Variants in CACNA2D2 observed in about 807,000 individuals in gnomAD.
The protein encoded by CACNA2D2 is voltage-dependent calcium channel subunit alpha-2/delta-2.
Under a neutral mutation model 166.4 loss-of-function variants are expected in CACNA2D2, and 48 were observed. The observed-to-expected ratio is 0.29, with a 90% confidence interval of 0.23 to 0.37. The LOEUF is 0.37. Ranked by LOEUF, CACNA2D2 falls within the 10% of genes least tolerant of loss-of-function variation. The probability of loss-of-function intolerance (pLI) is 1.00; values close to 1 mark genes in which losing one functional copy is unlikely to be tolerated. For synonymous variants in CACNA2D2, 561 were observed against 573.7 expected, an observed-to-expected ratio of 0.98 and a Z score of 0.32; for missense variants, 1,122 against 1,433.0, an observed-to-expected ratio of 0.78 and a Z score of 3.50.
intron 3 of CACNA2D2, among the ~76,000 whole-genome samples, chr3:50,398,125 G>A (rs1706253530): frequency 6.6e-6 from 1 of 152,198 alleles, no homozygotes; most frequent in African/African-American, 2.4e-5. Flanking sequence ...AACCTATTGG[G>A]ATACCACGCA....
intron 3 of CACNA2D2, among the ~76,000 whole-genome samples, chr3:50,420,095 A>G (rs1575659643): frequency 6.6e-6 from 1 of 152,354 alleles, no homozygotes; most frequent in East Asian, 1.9e-4. Flanking sequence ...TAAGAGGAAA[A>G]TCACAGTGAA....
At chr3:50,396,928 C>T (rs1346025834) in intron 3 of CACNA2D2, among the ~76,000 whole-genome samples, 3 of 152,198 alleles carry the variant, frequency 2.0e-5, no homozygotes, top group South Asian at 2.1e-4. Flanking sequence ...GGGCTGCAGA[C>T]GCCACACTGA....
intron 2 of CACNA2D2, among the ~76,000 whole-genome samples, chr3:50,470,847 C>A (rs903160725): frequency 3.3e-5 from 5 of 152,194 alleles, no homozygotes; most frequent in African/African-American, 1.2e-4. Flanking sequence ...CTCTCTCTAC[C>A]CAATTATGCT....
Position 50,368,178 on chromosome 3 carries a change from A to C in CACNA2D2, c.2103T>G (p.Phe701Leu). The C allele has an allele frequency of 1.2e-6, 2 of 1,613,900 alleles. No homozygotes were observed. Among genetic ancestry groups the C allele is most frequent in the Non-Finnish European group, 1.7e-6 (2 of 1,179,866 alleles). The change falls in exon 24 of 38, where the codon TTT (phenylalanine) becomes TTG (leucine). Residue 701 changes from phenylalanine (F) to leucine (L), a missense_variant. Transcript: ENST00000424201. Reference sequence around the variant, plus strand: ...GAGTCACTTTCTCCATGAGCTCAATAAAGTTTTTCAGGAACTCGGTGTTGT... The same window carrying C: ...GAGTCACTTTCTCCATGAGCTCAATCAAGTTTTTCAGGAACTCGGTGTTGT... ...SDNNTEFLKN[F>L]IELMEKVTPD...
chr3:50,418,512 C>A (rs1373657172), intron 3 of CACNA2D2, among the ~76,000 whole-genome samples: 1 of 152,206 alleles, frequency 6.6e-6, no homozygotes, highest in Non-Finnish European at 1.5e-5. Flanking sequence ...CCACTCAACT[C>A]CTTGGGGATG....
At chr3:50,446,925 A>T (rs1708875248) in intron 2 of CACNA2D2, among the ~76,000 whole-genome samples, 3 of 152,226 alleles carry the variant, frequency 2.0e-5, no homozygotes, top group African/African-American at 7.2e-5. Context: ...ACCCTAGGCT[A>T]CAGGTGCATA....
intron 1 of CACNA2D2, among the ~76,000 whole-genome samples, chr3:50,491,119 C>T (rs1002775549): frequency 1.3e-5 from 2 of 152,204 alleles, no homozygotes; most frequent in African/African-American, 4.8e-5. Flanking sequence ...GGGCAGAGAT[C>T]CCACTCTGTG....
At chr3:50,373,155 G>A (rs1704749962) in intron 22 of CACNA2D2, 2 of 1,383,700 alleles carry the variant, frequency 1.4e-6, no homozygotes, top group Middle Eastern at 3.5e-4. Flanking sequence ...AAACGAAAAG[G>A]GGGAGGGAAA....
At chr3:50,484,627 G>T (rs540198599) in intron 1 of CACNA2D2, among the ~76,000 whole-genome samples, 6 of 152,206 alleles carry the variant, frequency 3.9e-5, no homozygotes, top group South Asian at 4.2e-4. Context: ...CACCTGCTCC[G>T]TGAAGACCTC....
At chr3:50,432,639 A>G (rs1708125880) in intron 3 of CACNA2D2, among the ~76,000 whole-genome samples, 1 of 152,170 alleles carries the variant, frequency 6.6e-6, no homozygotes, top group African/African-American at 2.4e-5. Context: ...ATCCCTGCAG[A>G]AGGCGTGGCT....
In CACNA2D2 at chr3:50,394,986, G is replaced by A. The variant is rs190262619; in HGVS notation, c.406-818C>T. On this transcript the variant is annotated intron_variant, in intron 3 of 37. Coordinates refer to ENST00000424201, the MANE Select transcript of CACNA2D2 (RefSeq NM_006030.4). ...CTTGCTGGAGAAGACGCTGGGGCCC[G>A]GCCACCCTCTGGGCCTAAGTCCGGG... is the stretch of plus-strand genomic sequence containing the variant. 2.9e-3 allele frequency among the ~76,000 whole-genome samples: 448 copies of A among 152,260 alleles called. 3 individuals carry two copies. The highest frequency in any genetic ancestry group is 1.0e-2 in the African/African-American group (415 of 41,546).
At chr3:50,396,090 C>G (rs972559738) in intron 3 of CACNA2D2, among the ~76,000 whole-genome samples, 1 of 152,080 alleles carries the variant, frequency 6.6e-6, no homozygotes, top group South Asian at 2.1e-4. Context: ...CCCCAGGCCT[C>G]TCTACTCCGT....
intron 2 of CACNA2D2, among the ~76,000 whole-genome samples, chr3:50,470,572 A>T (rs368066568): frequency 2.6e-4 from 21 of 82,110 alleles, no homozygotes; most frequent in African/African-American, 9.0e-4. Flanking sequence ...CCAGCAACAG[A>T]GTGTGTGTGT....
chr3:50,430,093 CCCA>C (rs1454175361), intron 3 of CACNA2D2, among the ~76,000 whole-genome samples: 4 of 152,290 alleles, frequency 2.6e-5, no homozygotes, highest in Non-Finnish European at 5.9e-5. Context: ...AGCGGGGCCT[CCCA>C]CCACCTCTGG....
chr3:50,392,809 T>A (rs1705947474), intron 4 of CACNA2D2, among the ~76,000 whole-genome samples: 2 of 152,140 alleles, frequency 1.3e-5, no homozygotes, highest in South Asian at 4.1e-4. Context: ...TGTGAGCAAG[T>A]AGCACTGGAG....
chr3:50,370,179 G>A (rs587716462), intron 23 of CACNA2D2, 141 bp downstream of exon 23: 11 of 670,686 alleles, frequency 1.6e-5, no homozygotes, highest in Admixed American at 4.4e-5. Flanking sequence ...ACACAGCCGC[G>A]CATACCGGGC....
Position 50,370,306 on chromosome 3 carries a change from C to CA in CACNA2D2, c.2045+13dup, listed in dbSNP as rs1440578466. 2.5e-6 allele frequency: 4 copies of CA among 1,573,150 alleles called. No individual in the cohort carries two copies. The highest frequency in any genetic ancestry group is 3.4e-6 in the Non-Finnish European group (4 of 1,159,812). On this transcript the variant is annotated intron_variant, in intron 23 of 37. Transcript: ENST00000424201. ...GTAGGGGAGGACACCTCAGCAAGGCCACACGCAAGCTACCTGGGAGCAATG... is the reference window on the plus strand; with the variant it reads ...GTAGGGGAGGACACCTCAGCAAGGCCAACACGCAAGCTACCTGGGAGCAATG...
At position 50,503,432 on chromosome 3, in the gene CACNA2D2, T is replaced by A; in HGVS notation, c.-9A>T. On this transcript the variant is annotated 5_prime_UTR_variant, in exon 1 of 38. Coordinates refer to ENST00000424201, the MANE Select transcript of CACNA2D2 (RefSeq NM_006030.4). ...CGAGCCGGCACCGCCATGTTTCCAT[T>A]CAAGATGCGGCGCCGCGGGGAGGGG... 1 of 166,000 alleles carries A rather than the reference T, an allele frequency of 6.0e-6. No individual in the cohort carries two copies. The highest frequency in any genetic ancestry group is 1.2e-5 in the Non-Finnish European group (1 of 83,596). 10.3% of individuals were successfully genotyped at this position (166,000 alleles called of 1,614,324 possible).
Position 50,485,365 on chromosome 3 carries a change from T to C in CACNA2D2, c.207-9166A>G, listed in dbSNP as rs567587703. On this transcript the variant is annotated intron_variant, in intron 1 of 37. Transcript: ENST00000424201. ...GTGGACTGACAAAACTGAGCCACCC[T>C]AGTGGTTTTCAAACTGCTCCAGCAG... Among the ~76,000 whole-genome samples the C allele has an allele frequency of 1.4e-3, 212 of 152,344 alleles. No individual in the cohort carries two copies. In the Middle Eastern group the frequency reaches 0.02, roughly 15 times the overall value.
Sources: allele counts gnomAD v4.1 joint callset (sites outside exome capture counted in the v4.1 genomes callset), GRCh38; gene constraint gnomAD v4.1.1; transcripts MANE v1.5; gene names NCBI Gene and HGNC (gene_info 2026-07-23, HGNC 2026-07-21).